The following ARMC2 variants were observed in gnomAD, a reference collection of about 807,000 sequenced individuals.
ARMC2 encodes the protein armadillo repeat containing 2.
ARMC2 carries 67 observed loss-of-function variants against 90.3 expected under a neutral mutation model. The observed-to-expected ratio is 0.74, with a 90% CI of 0.61 to 0.91. ARMC2 has a LOEUF of 0.91. Among genes scored for constraint, ARMC2 ranks in the 40% least tolerant of loss-of-function variants. The pLI is 0.00. For missense variants in ARMC2, 920 were observed against 1,030.9 expected (o/e 0.89, Z 1.47); for synonymous variants, 393 against 393.0 (o/e 1.00, Z 0.00).
At chr6:108,872,739 C>T (rs1056903751) in intron 4 of ARMC2, among the ~76,000 whole-genome samples, 4 of 152,224 alleles carry the variant, frequency 2.6e-5, no homozygotes, top group Non-Finnish European at 4.4e-5. Flanking sequence ...TTGCACCACC[C>T]TCTTGCTGAA....
intron 5 of ARMC2, among the ~76,000 whole-genome samples, chr6:108,887,166 C>T (rs1191916526): frequency 6.6e-6 from 1 of 152,108 alleles, no homozygotes; most frequent in East Asian, 1.9e-4. Flanking sequence ...CCTTCCTAAG[C>T]CTCCCAAAGT....
intron 13 of ARMC2, among the ~76,000 whole-genome samples, chr6:108,954,066 C>T (rs1270359945): frequency 6.6e-6 from 1 of 152,172 alleles, no homozygotes; most frequent in Non-Finnish European, 1.5e-5. Context: ...AGGGGACAGT[C>T]TGTCTCTCCC....
the ARMC2 span, among the ~76,000 whole-genome samples, chr6:109,018,113 T>TA: frequency 6.6e-6 from 1 of 152,214 alleles, no homozygotes; most frequent in African/African-American, 2.4e-5. Context: ...GCTCTGGACT[T>TA]CCTTGTATAT....
rs144497254 is a variant in ARMC2, at chr6:108,957,878, A to G, written c.1916-3694A>G. On this transcript the variant is annotated intron_variant, in intron 13 of 17. Transcript: ENST00000392644. ...ATGGTTGTCATGGTTTTTTGGAAGC[A>G]GTCTATTGCCCCAACTAGCTCCAAT... Among the ~76,000 whole-genome samples the G allele has an allele frequency of 3.7e-3, 568 of 152,276 alleles. 11 individuals are homozygous for G. Among genetic ancestry groups the G allele is most frequent in the East Asian group, 3.1e-3 (16 of 5,178 alleles).
the ARMC2 span, among the ~76,000 whole-genome samples, chr6:109,040,003 A>AG: frequency 6.6e-6 from 1 of 152,222 alleles, no homozygotes; most frequent in Non-Finnish European, 1.5e-5. Flanking sequence ...GGACTGTGAG[A>AG]GAATGTGTAT....
chr6:108,874,117 G>A (rs1776705225), intron 4 of ARMC2, among the ~76,000 whole-genome samples: 1 of 152,110 alleles, frequency 6.6e-6, no homozygotes, highest in African/African-American at 2.4e-5. Flanking sequence ...ACTGTCTACC[G>A]AGAAGATACA....
At chr6:109,039,116 AAGG>A in the ARMC2 span, among the ~76,000 whole-genome samples, 124 of 150,776 alleles carry the variant, frequency 8.2e-4, no homozygotes, top group African/African-American at 2.9e-3. Context: ...AAGGAGAAGG[AAGG>A]AGGAGAAGGA....
intron 5 of ARMC2, among the ~76,000 whole-genome samples, chr6:108,886,285 C>T (rs778266404): frequency 5.3e-5 from 8 of 152,130 alleles, no homozygotes; most frequent in South Asian, 2.1e-4. Context: ...CAGCCAGGTC[C>T]GGTGGCTCAC....
At chr6:108,995,763 A>G in the ARMC2 span, among the ~76,000 whole-genome samples, 2 of 152,214 alleles carry the variant, frequency 1.3e-5, no homozygotes, top group African/African-American at 4.8e-5. Flanking sequence ...CAGCCTGGAC[A>G]ACAGAGAGAG....
chr6:108,953,472 T>C, intron 13 of ARMC2, 121 bp downstream of exon 13: 1 of 1,012,410 alleles, frequency 9.9e-7, no homozygotes, highest in South Asian at 1.7e-5. Context: ...TATGAGAAAG[T>C]CTTAGCTGTA....
At chr6:109,031,793 A>G in the ARMC2 span, among the ~76,000 whole-genome samples, 1 of 152,178 alleles carries the variant, frequency 6.6e-6, no homozygotes, top group Non-Finnish European at 1.5e-5. Context: ...AAACAGATTT[A>G]GGGATTAACT....
At chr6:108,909,904 A>G (rs970734424) in intron 8 of ARMC2, among the ~76,000 whole-genome samples, 6 of 152,248 alleles carry the variant, frequency 3.9e-5, no homozygotes, top group African/African-American at 1.4e-4. Context: ...GACCTTAAAA[A>G]GAAATATATG....
the ARMC2 span, among the ~76,000 whole-genome samples, chr6:109,021,631 G>A: frequency 3.3e-5 from 5 of 151,848 alleles, no homozygotes; most frequent in South Asian, 2.1e-4. Context: ...TAGTGGAGAC[G>A]GGGTTTCACT....
At chr6:108,932,615 G>A (rs1372530637) in intron 11 of ARMC2, among the ~76,000 whole-genome samples, 1 of 135,292 alleles carries the variant, frequency 7.4e-6, no homozygotes, top group Non-Finnish European at 1.5e-5. Flanking sequence ...TGCAAGCTCT[G>A]CCTCCCGGGT....
At chr6:109,036,620 A>G in the ARMC2 span, among the ~76,000 whole-genome samples, 2 of 152,222 alleles carry the variant, frequency 1.3e-5, no homozygotes, top group African/African-American at 4.8e-5. Flanking sequence ...ATATGATATG[A>G]TAAAAAAAAT....
At chr6:108,902,262 T>G (rs1418210410) in intron 7 of ARMC2, among the ~76,000 whole-genome samples, 1 of 152,248 alleles carries the variant, frequency 6.6e-6, no homozygotes, top group Non-Finnish European at 1.5e-5. Context: ...TATAACAAAC[T>G]ATTTGGTATA....
At chr6:109,018,234 A>G in the ARMC2 span, among the ~76,000 whole-genome samples, 1 of 152,254 alleles carries the variant, frequency 6.6e-6, no homozygotes, top group Non-Finnish European at 1.5e-5. Flanking sequence ...CTACAAATGT[A>G]TATCAACATT....
At chr6:108,937,030 G>C in intron 12 of ARMC2, 31 bp downstream of exon 12, 1 of 1,494,988 alleles carries the variant, frequency 6.7e-7, no homozygotes, top group Non-Finnish European at 9.1e-7. Context: ...ATTCTTCAAT[G>C]AGTCTTTACA....
rs1469148986 is a variant in ARMC2, at chr6:108,876,156, G to A, written c.477G>A (p.Val159=). ...GTTATATTGCAGCAAAGAAGACAGT[G>A]GAATCCAAAGAAACAGTTATGATGG... is the stretch of plus-strand genomic sequence containing the variant. ...SLPPSDSKKT[V]ESKETVMMGD... is the part of the protein sequence containing the mutation. Residue 159 remains valine, a synonymous_variant, in exon 5 of 18, where the codon GTG becomes GTA. Coordinates refer to ENST00000392644, the MANE Select transcript of ARMC2 (RefSeq NM_032131.6). 3.7e-6 allele frequency: 6 copies of A among 1,607,722 alleles called. No homozygotes were observed. The South Asian group carries it at 5.6e-5, about 15-fold the overall frequency.
Sources: allele counts gnomAD v4.1 joint callset (sites outside exome capture counted in the v4.1 genomes callset), GRCh38; gene constraint gnomAD v4.1.1; transcripts MANE v1.5; gene names NCBI Gene and HGNC (gene_info 2026-07-23, HGNC 2026-07-21).